DIAPH2: variants seen among roughly 807,000 people sequenced by gnomAD.
The protein encoded by DIAPH2 is protein diaphanous homolog 2.
DIAPH2 carries 35 observed loss-of-function variants against 92.7 expected under a neutral mutation model. The ratio of observed to expected loss-of-function variants is 0.38; its 90% CI spans 0.29 to 0.50. The LOEUF is 0.50. Ranked by LOEUF, DIAPH2 falls within the 20% of genes least tolerant of loss-of-function variation. The probability of loss-of-function intolerance (pLI) is 0.94; values close to 1 mark genes in which losing one functional copy is unlikely to be tolerated. For synonymous variants in DIAPH2, 301 were observed against 280.4 expected (o/e 1.07, Z -0.73); for missense variants, 701 against 819.5 (o/e 0.86, Z 1.77).
intron 26 of DIAPH2, among the ~76,000 whole-genome samples, chrX:97,517,557 G>C: frequency 9.0e-6 from 1 of 111,652 alleles, no homozygotes; most frequent in South Asian, 3.8e-4. Context: ...ATATATGCAA[G>C]GAATTTGTGG....
At chrX:97,311,298 A>T (rs1448773290) in intron 23 of DIAPH2, among the ~76,000 whole-genome samples, 1 of 111,887 alleles carries the variant, frequency 8.9e-6, no homozygotes, top group African/African-American at 3.2e-5. Flanking sequence ...GAATACCTAG[A>T]TATGATGTAA....
At chrX:96,694,299 T>C (rs1307156508) in intron 1 of DIAPH2, among the ~76,000 whole-genome samples, 1 of 110,907 alleles carries the variant, frequency 9.0e-6, no homozygotes, top group Non-Finnish European at 1.9e-5. Flanking sequence ...TTTCTTGACA[T>C]AATTGTTTCA....
intron 22 of DIAPH2, among the ~76,000 whole-genome samples, chrX:97,229,911 A>G (rs2067997007): frequency 9.4e-6 from 1 of 106,804 alleles, no homozygotes; most frequent in Admixed American, 1.0e-4. Flanking sequence ...ATAACAATAT[A>G]TAAGATTTCA....
intron 17 of DIAPH2, among the ~76,000 whole-genome samples, chrX:96,986,307 A>T (rs773879406): frequency 9.9e-4 from 111 of 112,027 alleles, no homozygotes; most frequent in African/African-American, 3.2e-3. Flanking sequence ...AAAGGAGGTT[A>T]TATAAAAGGA....
intron 16 of DIAPH2, among the ~76,000 whole-genome samples, chrX:96,963,634 C>T (rs996260569): frequency 4.5e-5 from 5 of 111,317 alleles, no homozygotes; most frequent in Non-Finnish European, 7.5e-5. Flanking sequence ...ATTGGGGGAG[C>T]GTCTCTGGGC....
At chrX:97,277,844 T>C (rs2068464135) in intron 23 of DIAPH2, among the ~76,000 whole-genome samples, 1 of 112,084 alleles carries the variant, frequency 8.9e-6, no homozygotes, top group Admixed American at 9.5e-5. Flanking sequence ...AAAATATGGA[T>C]TAAGGGCCAT....
At chrX:96,903,093 A>G (rs1158257934) in intron 5 of DIAPH2, among the ~76,000 whole-genome samples, 2 of 105,205 alleles carry the variant, frequency 1.9e-5, no homozygotes, top group Non-Finnish European at 3.9e-5. Context: ...CACTCATCAA[A>G]TAGCAATTAC....
chrX:97,500,866 C>G (rs2070793280), intron 26 of DIAPH2, among the ~76,000 whole-genome samples: 1 of 102,846 alleles, frequency 9.7e-6, no homozygotes, highest in Non-Finnish European at 2.0e-5. Context: ...TGCCAGTTCT[C>G]CAAATATGCC....
At chrX:97,124,371 T>G (rs2067077524) in intron 21 of DIAPH2, among the ~76,000 whole-genome samples, 1 of 112,387 alleles carries the variant, frequency 8.9e-6, no homozygotes, top group Non-Finnish European at 1.9e-5. Flanking sequence ...TAAGTTGAAA[T>G]ATTCATTAAT....
chrX:97,191,199 A>G (rs1300628732), intron 22 of DIAPH2, among the ~76,000 whole-genome samples: 5 of 109,741 alleles, frequency 4.6e-5, no homozygotes, highest in African/African-American at 1.3e-4. Flanking sequence ...TTGGTGGCTC[A>G]TGACTGTAAT....
chrX:97,366,256 T>C (rs1040781972), intron 24 of DIAPH2, among the ~76,000 whole-genome samples: 16 of 112,010 alleles, frequency 1.4e-4, no homozygotes, highest in Non-Finnish European at 2.4e-4. Context: ...CAAAGCCCTC[T>C]AGCTGTCTCT....
intron 22 of DIAPH2, among the ~76,000 whole-genome samples, chrX:97,195,525 G>C (rs2067694263): frequency 9.1e-6 from 1 of 110,122 alleles, no homozygotes; most frequent in Admixed American, 9.7e-5. Flanking sequence ...GCTGGGCATG[G>C]TAGTGCACAC....
At chrX:96,956,968 T>C (rs1480567120) in intron 15 of DIAPH2, among the ~76,000 whole-genome samples, 1 of 112,810 alleles carries the variant, frequency 8.9e-6, no homozygotes, top group Non-Finnish European at 1.9e-5. Flanking sequence ...ATTTACTGTA[T>C]TGTTGTTCTC....
chrX:97,414,343 C>G (rs1340030192), intron 25 of DIAPH2, among the ~76,000 whole-genome samples: 1 of 111,717 alleles, frequency 9.0e-6, no homozygotes, highest in Non-Finnish European at 1.9e-5. Flanking sequence ...GGAAAACTGG[C>G]TAGCCATATG....
intron 1 of DIAPH2, among the ~76,000 whole-genome samples, chrX:96,691,808 T>A (rs1469368491): frequency 8.9e-6 from 1 of 111,965 alleles, no homozygotes; most frequent in Non-Finnish European, 1.9e-5. Flanking sequence ...AGCTTCTAGG[T>A]AGCTATTAAG....
chrX:97,297,843 A>C (rs1391835019), intron 23 of DIAPH2, among the ~76,000 whole-genome samples: 2 of 110,599 alleles, frequency 1.8e-5, no homozygotes, highest in Non-Finnish European at 3.8e-5. Context: ...TTCTTTTCTG[A>C]ATTTCATGAC....
intron 4 of DIAPH2, among the ~76,000 whole-genome samples, chrX:96,821,305 A>G (rs2064776268): frequency 1.8e-5 from 2 of 111,939 alleles, no homozygotes. Flanking sequence ...TCATTTCATT[A>G]TTTGTTTTAT....
chrX:97,181,816 G>A (rs765274750), intron 22 of DIAPH2, among the ~76,000 whole-genome samples: 3 of 112,231 alleles, frequency 2.7e-5, no homozygotes, highest in Admixed American at 9.4e-5. Flanking sequence ...ATTATAAGTA[G>A]GTAACCATTT....
chrX:96,721,372 C>T (rs2063987313), intron 1 of DIAPH2, among the ~76,000 whole-genome samples: 1 of 111,630 alleles, frequency 9.0e-6, no homozygotes, highest in South Asian at 3.7e-4. Context: ...ATGCAAATAC[C>T]ATGGGAAAAT....
Sources: allele counts gnomAD v4.1 joint callset (sites outside exome capture counted in the v4.1 genomes callset), GRCh38; gene constraint gnomAD v4.1.1; transcripts MANE v1.5; gene names NCBI Gene and HGNC (gene_info 2026-07-23, HGNC 2026-07-21).